The following GLYATL1 variants were observed in gnomAD, a reference collection of about 807,000 sequenced individuals.
GLYATL1 encodes glycine N-acyltransferase-like protein 1.
Under a neutral mutation model 20.0 loss-of-function variants are expected in GLYATL1, and 15 were observed. That is an observed-to-expected ratio of 0.75 (90% CI 0.50 to 1.15). The LOEUF is 1.15. Among genes scored for constraint, GLYATL1 ranks in the 50% most tolerant of loss-of-function variants. The pLI, the probability that GLYATL1 is intolerant of heterozygous loss-of-function variation, is 0.00. For synonymous variants in GLYATL1, 151 were observed against 131.5 expected (o/e 1.15, Z -1.01); for missense variants, 380 against 368.5 (o/e 1.03, Z -0.26).
intron 4 of GLYATL1, among the ~76,000 whole-genome samples, chr11:58,952,313 T>G (rs1041658219): frequency 6.6e-6 from 1 of 152,214 alleles, no homozygotes; most frequent in African/African-American, 2.4e-5. Context: ...CATCCTGGCC[T>G]TTCTAAAACC....
rs1590774956 is a variant in GLYATL1, at chr11:58,927,915, C to T, written c.-212+86C>T. 5 of 152,310 alleles carry T rather than the reference C, an allele frequency of 3.3e-5. 1 individual carries two copies. The highest frequency in any genetic ancestry group is 3.3e-4 in the Admixed American group (5 of 15,304). The allele number at this position is 152,310 out of a possible 1,614,324, so 9.4% of individuals were successfully genotyped here. On this transcript the variant is annotated intron_variant, in intron 1 of 7. Transcript: ENST00000317391. ...GGTGATAAGGCAGGTAATGTTTCCT[C>T]TTCCTGCCCCTTTTTAGGCTTTTCC...
intron 1 of GLYATL1, among the ~76,000 whole-genome samples, chr11:58,940,374 T>C (rs1471477848): frequency 1.3e-5 from 2 of 152,206 alleles, no homozygotes; most frequent in African/African-American, 4.8e-5. Flanking sequence ...GACTGATGAG[T>C]TTCTATTTCA....
chr11:58,952,899 G>A (rs1461685261), intron 4 of GLYATL1, among the ~76,000 whole-genome samples: 2 of 152,186 alleles, frequency 1.3e-5, no homozygotes, highest in African/African-American at 4.8e-5. Context: ...AAACAGAGTT[G>A]CCATCCGATC....
chr11:58,935,776 T>C (rs1416809183), upstream of GLYATL1: 3 of 152,048 alleles, frequency 2.0e-5, no homozygotes, highest in Non-Finnish European at 4.4e-5. Flanking sequence ...ACAATAATAA[T>C]AATAAATAGA....
At chr11:58,947,361 G>T in intron 3 of GLYATL1, 196 bp downstream of exon 3, 1 of 703,334 alleles carries the variant, frequency 1.4e-6, no homozygotes, top group Non-Finnish European at 2.3e-6. Flanking sequence ...CACTCTGCAG[G>T]TTTTGCCACT....
intron 4 of GLYATL1, among the ~76,000 whole-genome samples, chr11:58,949,204 T>C (rs76178604): frequency 0.021 from 3,253 of 152,328 alleles, 115 homozygotes; most frequent in African/African-American, 0.074. Context: ...TGAAGCCTCA[T>C]TGCCAGCCCA....
At chr11:58,954,091 G>A (rs369601666) in intron 4 of GLYATL1, among the ~76,000 whole-genome samples, 9 of 152,318 alleles carry the variant, frequency 5.9e-5, no homozygotes, top group African/African-American at 2.2e-4. Context: ...GTAGGCTTGA[G>A]AAAAGGCAAG....
At chr11:58,953,049 C>G (rs1857106708) in intron 4 of GLYATL1, among the ~76,000 whole-genome samples, 1 of 152,162 alleles carries the variant, frequency 6.6e-6, no homozygotes, top group Non-Finnish European at 1.5e-5. Flanking sequence ...CAAAGGTAGA[C>G]TGGATAAAAA....
chr11:58,929,375 A>T (rs1855519148), intron 1 of GLYATL1, among the ~76,000 whole-genome samples: 2 of 152,230 alleles, frequency 1.3e-5, no homozygotes, highest in Admixed American at 1.3e-4. Context: ...ATGTATATAT[A>T]GAAATTTTAA....
chr11:58,933,381 A>G (rs967872429), intron 1 of GLYATL1, among the ~76,000 whole-genome samples: 2 of 152,182 alleles, frequency 1.3e-5, no homozygotes, highest in African/African-American at 4.8e-5. Context: ...TAAATGATCC[A>G]AGCCCAGCTG....
At chr11:58,916,035 C>T (rs532253673) in intron 1 of GLYATL1, among the ~76,000 whole-genome samples, 2 of 152,176 alleles carry the variant, frequency 1.3e-5, no homozygotes, top group Non-Finnish European at 2.9e-5. Context: ...CTTGCTATAC[C>T]TTTAGCAGAA....
At chr11:58,939,433 C>T (rs1475042966), upstream of GLYATL1, 1 of 152,296 alleles carries the variant, frequency 6.6e-6, no homozygotes, top group Non-Finnish European at 1.5e-5. Context: ...ACCTAGACCA[C>T]ACCCCTGGTG....
chr11:58,922,111 G>A (rs1391983255), intron 1 of GLYATL1, among the ~76,000 whole-genome samples: 2 of 152,184 alleles, frequency 1.3e-5, no homozygotes, highest in African/African-American at 4.8e-5. Flanking sequence ...GGATCCCAGT[G>A]GTGATCCTCT....
downstream of GLYATL1, among the ~76,000 whole-genome samples, chr11:58,910,563 A>G (rs931369005): frequency 5.9e-5 from 9 of 152,166 alleles, no homozygotes; most frequent in African/African-American, 2.2e-4. Context: ...CAGATATGCT[A>G]TTAGGTAGTA....
At chr11:58,941,184 TC>T (rs1451962980) in intron 1 of GLYATL1, among the ~76,000 whole-genome samples, 1 of 81,270 alleles carries the variant, frequency 1.2e-5, no homozygotes, top group Non-Finnish European at 2.3e-5. Flanking sequence ...ATGCTATCCC[TC>T]CCCCCTCCCC....
At chr11:58,916,769 A>G (rs1245235865) in intron 1 of GLYATL1, among the ~76,000 whole-genome samples, 1 of 152,250 alleles carries the variant, frequency 6.6e-6, no homozygotes, top group African/African-American at 2.4e-5. Context: ...GAATTGGTAA[A>G]AAGGTACAAA....
intron 1 of GLYATL1, among the ~76,000 whole-genome samples, chr11:58,942,048 CAG>C (rs1297789675): frequency 1.3e-5 from 2 of 152,146 alleles, no homozygotes; most frequent in East Asian, 3.9e-4. Context: ...GGGTCAAAGA[CAG>C]AGTTTTATGA....
chr11:58,916,777 A>C (rs1254562096), intron 1 of GLYATL1, among the ~76,000 whole-genome samples: 4 of 152,266 alleles, frequency 2.6e-5, no homozygotes, highest in Non-Finnish European at 5.9e-5. Context: ...AAAAAGGTAC[A>C]AACAAAGCAA....
chr11:58,913,972 G>GT (rs1855109972), intron 1 of GLYATL1, among the ~76,000 whole-genome samples: 1 of 152,124 alleles, frequency 6.6e-6, no homozygotes, highest in East Asian at 1.9e-4. Flanking sequence ...ACATGCCTGG[G>GT]TTTTCCTCAT....
Sources: allele counts gnomAD v4.1 joint callset (sites outside exome capture counted in the v4.1 genomes callset), GRCh38; gene constraint gnomAD v4.1.1; transcripts MANE v1.5; gene names NCBI Gene and HGNC (gene_info 2026-07-23, HGNC 2026-07-21).